The following PCDH9 variants were observed in gnomAD, a reference collection of about 807,000 sequenced individuals.
PCDH9 encodes protocadherin-9.
PCDH9 carries 24 observed loss-of-function variants against 70.6 expected under a neutral mutation model. The ratio of observed to expected loss-of-function variants is 0.34; its 90% CI spans 0.25 to 0.48. The LOEUF (loss-of-function observed/expected upper bound fraction) is 0.48, where lower values mean the gene tolerates loss of function less well. Among genes scored for constraint, PCDH9 ranks in the 20% least tolerant of loss-of-function variants. The pLI, the probability that PCDH9 is intolerant of heterozygous loss-of-function variation, is 0.99. For synonymous variants in PCDH9, 562 were observed against 558.5 expected, an observed-to-expected ratio of 1.01 and a Z score of -0.09; for missense variants, 1,281 against 1,503.6, an observed-to-expected ratio of 0.85 and a Z score of 2.45.
At chr13:66,315,552 G>T (rs555295653) in intron 4 of PCDH9, among the ~76,000 whole-genome samples, 3 of 152,078 alleles carry the variant, frequency 2.0e-5, no homozygotes, top group Non-Finnish European at 2.9e-5. Context: ...CGCAATCTCG[G>T]CTCACTGCAA....
chr13:66,323,871 C>T lies in PCDH9; in HGVS notation c.3341-18843G>A, dbSNP rs191355272. ...ACTTGTCACCCACAGCAGTTTACTC[C>T]GGGGCATCTGCTTAGTATCCTTGGA... On this transcript the variant is annotated intron_variant, in intron 4 of 4. Coordinates refer to ENST00000377865, the MANE Select transcript of PCDH9 (RefSeq NM_203487.3). 1.6e-3 allele frequency among the ~76,000 whole-genome samples: 236 copies of T among 151,946 alleles called. 4 individuals are homozygous for T. Among genetic ancestry groups the T allele is most frequent in the African/African-American group, 5.4e-3 (223 of 41,352 alleles).
chr13:66,367,631 G>T (rs1258215310), intron 4 of PCDH9, among the ~76,000 whole-genome samples: 1 of 152,076 alleles, frequency 6.6e-6, no homozygotes, highest in Non-Finnish European at 1.5e-5. Context: ...TCTGTAGAAA[G>T]AAATAAAATG....
intron 3 of PCDH9, among the ~76,000 whole-genome samples, chr13:66,865,570 A>G (rs2081559105): frequency 6.6e-6 from 1 of 152,222 alleles, no homozygotes; most frequent in Non-Finnish European, 1.5e-5. Context: ...AGTATTAGAT[A>G]ATAGACATTT....
intron 2 of PCDH9, chr13:67,224,967 C>G: frequency 9.9e-7 from 1 of 1,009,866 alleles, no homozygotes; most frequent in Non-Finnish European, 1.2e-6. Flanking sequence ...ACCATAGCTG[C>G]AACATAATTG....
At chr13:66,808,880 G>T (rs1186132316) in intron 3 of PCDH9, among the ~76,000 whole-genome samples, 1 of 152,166 alleles carries the variant, frequency 6.6e-6, no homozygotes, top group Non-Finnish European at 1.5e-5. Flanking sequence ...ATTTCCAGGA[G>T]ATTTGTATGT....
intron 3 of PCDH9, among the ~76,000 whole-genome samples, chr13:66,867,369 G>T (rs1352908090): frequency 6.6e-6 from 1 of 152,048 alleles, no homozygotes; most frequent in Non-Finnish European, 1.5e-5. Flanking sequence ...TGATATTTGG[G>T]TATCTAAATA....
chr13:67,130,975 A>G (rs2087099550), intron 2 of PCDH9, among the ~76,000 whole-genome samples: 1 of 152,134 alleles, frequency 6.6e-6, no homozygotes, highest in African/African-American at 2.4e-5. Context: ...AAAGACTATT[A>G]CAATAGTTTT....
At chr13:66,922,759 T>G (rs2082657589) in intron 2 of PCDH9, among the ~76,000 whole-genome samples, 1 of 151,538 alleles carries the variant, frequency 6.6e-6, no homozygotes, top group Non-Finnish European at 1.5e-5. Context: ...AGGAGCTTAT[T>G]CTTTTTCAGT....
At chr13:66,391,118 G>T (rs1358780980) in intron 4 of PCDH9, among the ~76,000 whole-genome samples, 1 of 152,114 alleles carries the variant, frequency 6.6e-6, no homozygotes, top group Non-Finnish European at 1.5e-5. Flanking sequence ...ACAGTGCTCT[G>T]TTACTGATTA....
At chr13:66,715,186 C>T (rs1007665386) in intron 3 of PCDH9, among the ~76,000 whole-genome samples, 1 of 152,112 alleles carries the variant, frequency 6.6e-6, no homozygotes, top group East Asian at 1.9e-4. Flanking sequence ...GACAGAGATC[C>T]CTCCAACTTC....
intron 2 of PCDH9, among the ~76,000 whole-genome samples, chr13:66,989,976 C>T (rs984251418): frequency 1.3e-5 from 2 of 151,792 alleles, no homozygotes; most frequent in Non-Finnish European, 3.0e-5. Flanking sequence ...ATTTCAAAGA[C>T]TGATAACAAA....
chr13:66,708,686 C>T (rs537930808), intron 3 of PCDH9, among the ~76,000 whole-genome samples: 1 of 152,272 alleles, frequency 6.6e-6, no homozygotes, highest in East Asian at 1.9e-4. Context: ...ATGGCTTCCT[C>T]AGTCTAAGTA....
chr13:66,387,516 A>C (rs1593896334), intron 4 of PCDH9, among the ~76,000 whole-genome samples: 1 of 141,520 alleles, frequency 7.1e-6, no homozygotes. Flanking sequence ...GTAAATTCTT[A>C]CTCTTATTTC....
At chr13:66,973,470 C>T (rs1049486142) in intron 2 of PCDH9, among the ~76,000 whole-genome samples, 20 of 151,830 alleles carry the variant, frequency 1.3e-4, no homozygotes, top group Admixed American at 2.0e-4. Context: ...GAGGAGGAAA[C>T]GACCAATATT....
chr13:66,951,654 T>G (rs1358707759), intron 2 of PCDH9, among the ~76,000 whole-genome samples: 2 of 152,156 alleles, frequency 1.3e-5, no homozygotes, highest in Admixed American at 6.5e-5. Context: ...CACTATCCAT[T>G]GTGATGCAAA....
chr13:66,979,061 A>T (rs183625246), intron 2 of PCDH9, among the ~76,000 whole-genome samples: 97 of 152,238 alleles, frequency 6.4e-4, no homozygotes, highest in African/African-American at 2.2e-3. Flanking sequence ...ATATTTGGGT[A>T]GCAAAGAAAG....
chr13:67,146,981 T>C (rs547814154), intron 2 of PCDH9, among the ~76,000 whole-genome samples: 2 of 152,268 alleles, frequency 1.3e-5, no homozygotes, highest in East Asian at 3.9e-4. Context: ...TATTCATTCA[T>C]GGTTCTGAAT....
chr13:66,830,463 T>C (rs1353055348), intron 3 of PCDH9, among the ~76,000 whole-genome samples: 1 of 152,172 alleles, frequency 6.6e-6, no homozygotes, highest in African/African-American at 2.4e-5. Context: ...TAATTAAATA[T>C]AATGGAAACT....
intron 4 of PCDH9, among the ~76,000 whole-genome samples, chr13:66,313,242 T>C (rs768752107): frequency 4.6e-5 from 7 of 152,362 alleles, no homozygotes; most frequent in South Asian, 2.1e-4. Flanking sequence ...TGTGGAACAT[T>C]GTATTTACCT....
Sources: allele counts gnomAD v4.1 joint callset (sites outside exome capture counted in the v4.1 genomes callset), GRCh38; gene constraint gnomAD v4.1.1; transcripts MANE v1.5; gene names NCBI Gene and HGNC (gene_info 2026-07-23, HGNC 2026-07-21).